Variants in CHL1 observed in about 807,000 individuals in gnomAD.
CHL1 encodes the protein cell adhesion molecule L1 like, also known as neural cell adhesion molecule L1-like protein.
In CHL1, 96 loss-of-function variants were observed where a neutral mutation model predicts 141.9. The observed-to-expected ratio is 0.68, with a 90% CI of 0.57 to 0.80. The LOEUF (loss-of-function observed/expected upper bound fraction) is 0.80, where lower values mean the gene tolerates loss of function less well. CHL1 is among the 30% of genes least tolerant of loss of function. The pLI is 0.00. For missense variants in CHL1, 1,820 were observed against 1,457.2 expected (o/e 1.25, Z -4.05); for synonymous variants, 613 against 502.2 (o/e 1.22, Z -2.95).
chr3:319,842 A>G lies in CHL1; in HGVS notation c.66A>G (p.Ser22=), dbSNP rs773385074. The change falls in exon 3 of 28, where the codon TCA becomes TCG. Residue 22 remains serine (S), a synonymous_variant. Coordinates refer to ENST00000256509, the MANE Select transcript of CHL1 (RefSeq NM_006614.4). ...VYLMFLLLKF[S]KAIEIPSSVQ... is the part of the protein sequence containing the mutation. ...TAATGTTCCTCCTGTTAAAATTCTC[A>G]AAAGCAATTGAAATACCATCTTCAG... The G allele has an allele frequency of 3.6e-5, 57 of 1,601,948 alleles. No individual in the cohort carries two copies. Among genetic ancestry groups the G allele is most frequent in the Middle Eastern group, 1.7e-4 (1 of 6,048 alleles).
rs115285458 is a variant in CHL1, at chr3:365,751, A to C, written c.1586-199A>C. ...TCCTAAACTATTAGTTGATATTTCC[A>C]CTTAAATTTTGTCAGATGTCCAAGC... On this transcript the variant is annotated intron_variant, in intron 14 of 27. Transcript: ENST00000256509. Among the ~76,000 whole-genome samples, 608 of 152,316 alleles carry C rather than the reference A, an allele frequency of 4.0e-3. 5 individuals are homozygous for C. The highest frequency in any genetic ancestry group is 0.014 in the African/African-American group (573 of 41,580).
At chr3:357,537 A>C (rs903144112) in intron 11 of CHL1, among the ~76,000 whole-genome samples, 1 of 152,166 alleles carries the variant, frequency 6.6e-6, no homozygotes, top group Non-Finnish European at 1.5e-5. Context: ...AAAACCAGGA[A>C]CTAAACCCAG....
At chr3:224,938 C>T (rs1337119814) in intron 1 of CHL1, among the ~76,000 whole-genome samples, 1 of 150,870 alleles carries the variant, frequency 6.6e-6, no homozygotes. Context: ...GAGTTCAAGA[C>T]CAGCCTGGCC....
chr3:220,749 T>C (rs1245059604), intron 1 of CHL1, among the ~76,000 whole-genome samples: 1 of 152,212 alleles, frequency 6.6e-6, no homozygotes, highest in African/African-American at 2.4e-5. Context: ...AATGAAAATA[T>C]GTAGTACAGA....
intron 14 of CHL1, among the ~76,000 whole-genome samples, chr3:364,768 G>A (rs975162841): frequency 1.2e-4 from 19 of 152,076 alleles, no homozygotes; most frequent in South Asian, 8.3e-4. Flanking sequence ...GCCCATTCCC[G>A]GTTAGGAAAC....
chr3:405,479 T>A lies in CHL1; in HGVS notation c.3459-16T>A, dbSNP rs772687492. The A allele has an allele frequency of 1.9e-6, 3 of 1,556,174 alleles. No individual in the cohort carries two copies. Among genetic ancestry groups the A allele is most frequent in the African/African-American group, 2.7e-5 (2 of 73,576 alleles). On this transcript the variant is annotated splice_polypyrimidine_tract_variant and intron_variant, in intron 27 of 27. Transcript: ENST00000256509. ...ATTAGATTTTGTTGAGCTATTTTTGTTTGTTTGTTTTCTAGTGACAGTGAT... is the reference window on the plus strand; with the variant it reads ...ATTAGATTTTGTTGAGCTATTTTTGATTGTTTGTTTTCTAGTGACAGTGAT...
intron 2 of CHL1, among the ~76,000 whole-genome samples, chr3:289,474 G>A (rs1320013209): frequency 1.3e-5 from 2 of 152,074 alleles, no homozygotes; most frequent in African/African-American, 2.4e-5. Context: ...AAAATTATAT[G>A]TATTTATCCA....
At chr3:233,886 G>T (rs1405325013) in intron 1 of CHL1, among the ~76,000 whole-genome samples, 1 of 151,888 alleles carries the variant, frequency 6.6e-6, no homozygotes, top group African/African-American at 2.4e-5. Flanking sequence ...TTTTCCATTG[G>T]TAGTTGGTGA....
intron 3 of CHL1, among the ~76,000 whole-genome samples, chr3:322,656 AT>A (rs909253916): frequency 2.9e-5 from 4 of 140,122 alleles, no homozygotes; most frequent in Non-Finnish European, 4.6e-5. Flanking sequence ...ATATATATAT[AT>A]ATATATATAT....
chr3:365,107 G>C (rs1455340225), intron 14 of CHL1, among the ~76,000 whole-genome samples: 1 of 152,128 alleles, frequency 6.6e-6, no homozygotes, highest in Non-Finnish European at 1.5e-5. Context: ...AATGTACATA[G>C]CCAATATCAG....
chr3:350,607 T>TG (rs1407727393), intron 10 of CHL1, among the ~76,000 whole-genome samples: 2 of 34,234 alleles, frequency 5.8e-5, no homozygotes, highest in African/African-American at 7.3e-5. Context: ...TTTAAATTAA[T>TG]GGAAAAAAAA....
intron 10 of CHL1, among the ~76,000 whole-genome samples, chr3:351,113 T>G (rs1703217433): frequency 6.6e-6 from 1 of 152,184 alleles, no homozygotes; most frequent in African/African-American, 2.4e-5. Flanking sequence ...TAGCTGAATA[T>G]TTTAACAATC....
chr3:250,407 G>C (rs982827274), intron 2 of CHL1, among the ~76,000 whole-genome samples: 2 of 152,118 alleles, frequency 1.3e-5, no homozygotes, highest in African/African-American at 4.8e-5. Context: ...AGAGATTTAG[G>C]CTTCTAGGAG....
intron 10 of CHL1, 90 bp downstream of exon 10, chr3:349,633 A>T (rs1703076403): frequency 9.0e-7 from 1 of 1,106,314 alleles, no homozygotes. Context: ...ATACATGTTA[A>T]AACAGGTCAG....
chr3:347,890 C>T (rs922618731), intron 9 of CHL1, among the ~76,000 whole-genome samples: 2 of 152,022 alleles, frequency 1.3e-5, no homozygotes, highest in Admixed American at 1.3e-4. Flanking sequence ...CTGCACAGCA[C>T]GTTAGTGTTT....
intron 16 of CHL1, among the ~76,000 whole-genome samples, chr3:379,477 T>G (rs1055912962): frequency 6.6e-6 from 1 of 152,078 alleles, no homozygotes; most frequent in African/African-American, 2.4e-5. Flanking sequence ...GTAGTCGAGC[T>G]TCAGATAAAC....
At chr3:204,036 A>G (rs899932406) in intron 1 of CHL1, among the ~76,000 whole-genome samples, 7 of 152,316 alleles carry the variant, frequency 4.6e-5, no homozygotes, top group Middle Eastern at 3.4e-3. Flanking sequence ...TTTCTTTGTC[A>G]TTCCTTTCTT....
Position 322,057 on chromosome 3 carries a change from G to T in CHL1, c.91+2190G>T, listed in dbSNP as rs150075921. 2.5e-3 allele frequency among the ~76,000 whole-genome samples: 378 copies of T among 152,100 alleles called. 2 individuals carry two copies. The highest frequency in any genetic ancestry group is 0.017 in the Middle Eastern group (5 of 294). On this transcript the variant is annotated intron_variant, in intron 3 of 27. Transcript: ENST00000256509. ...TATTAGCTGATATCTAAGGGACTGT[G>T]GCCACTGTGTATCATCCCTCACCGT...
chr3:358,513 A>G (rs1012560079), intron 11 of CHL1, among the ~76,000 whole-genome samples: 1 of 152,186 alleles, frequency 6.6e-6, no homozygotes, highest in Non-Finnish European at 1.5e-5. Flanking sequence ...TAGAACGTGT[A>G]CATCTTTCAG....
Sources: gnomAD v4.1 joint callset for allele counts (sites outside exome capture counted in the v4.1 genomes callset) on GRCh38, gnomAD v4.1.1 for gene constraint, MANE v1.5 for transcripts, NCBI Gene and HGNC (gene_info 2026-07-23, HGNC 2026-07-21) for gene names.